The following TBC1D4 variants were observed in gnomAD, a reference collection of about 807,000 sequenced individuals.
TBC1D4 encodes the protein TBC (Tre-2, BUB2, CDC16) domain-containing protein.
Under a neutral mutation model 142.5 loss-of-function variants are expected in TBC1D4, and 121 were observed. The ratio of observed to expected loss-of-function variants is 0.85; its 90% CI spans 0.73 to 0.99. The LOEUF is 0.99. Ranked by LOEUF, TBC1D4 falls within the 50% of genes least tolerant of loss-of-function variation. The pLI is 0.00. For synonymous variants in TBC1D4, 630 were observed against 628.2 expected, an observed-to-expected ratio of 1.00 and a Z score of -0.04; for missense variants, 1,475 against 1,606.6, an observed-to-expected ratio of 0.92 and a Z score of 1.40.
intron 1 of TBC1D4, among the ~76,000 whole-genome samples, chr13:75,433,651 G>A (rs1886678153): frequency 6.6e-6 from 1 of 152,092 alleles, no homozygotes; most frequent in Non-Finnish European, 1.5e-5. Context: ...TTTACACCAT[G>A]TTATATTGAT....
chr13:75,301,733 T>G (rs1876579066), intron 16 of TBC1D4, among the ~76,000 whole-genome samples: 1 of 152,146 alleles, frequency 6.6e-6, no homozygotes, highest in Non-Finnish European at 1.5e-5. Flanking sequence ...TTAGTGCAAC[T>G]AATGTTTCAC....
chr13:75,427,028 G>A (rs1310834406), intron 1 of TBC1D4, among the ~76,000 whole-genome samples: 3 of 151,962 alleles, frequency 2.0e-5, no homozygotes, highest in African/African-American at 7.3e-5. Flanking sequence ...CAGCCTGGGC[G>A]ACAAGAGACT....
In TBC1D4 at chr13:75,319,456, T is replaced by C. The variant is rs1451516130; in HGVS notation, c.2222+558A>G. On this transcript the variant is annotated intron_variant, in intron 12 of 20. Transcript: ENST00000377636. ...TCAAGAGATGTCAACACAGATGTGG[T>C]CAAACTTCCATAATAAGGAACTAGG... Among the ~76,000 whole-genome samples the C allele has an allele frequency of 2.0e-5, 3 of 152,216 alleles. No individual in the cohort carries two copies. In the East Asian group the frequency reaches 5.8e-4, roughly 29 times the overall value.
Position 75,286,625 on chromosome 13 carries a change from T to C in TBC1D4, c.*167A>G, listed in dbSNP as rs1874695122. On this transcript the variant is annotated 3_prime_UTR_variant, in exon 21 of 21. Transcript: ENST00000377636. ...CTACATATGTCCAATGGCTTAGGAT[T>C]GGCATGCTCTGATGAGCACGAGGTC... is the stretch of plus-strand genomic sequence containing the variant. The C allele has an allele frequency of 1.5e-6, 1 of 666,050 alleles. No individual in the cohort carries two copies. Among genetic ancestry groups the C allele is most frequent in the Non-Finnish European group, 2.7e-6 (1 of 376,928 alleles). The allele number at this position is 666,050 out of a possible 1,614,324, so 41.3% of individuals were successfully genotyped here.
intron 14 of TBC1D4, 133 bp from the exon 15 acceptor site, chr13:75,306,604 T>A: frequency 9.6e-7 from 1 of 1,046,924 alleles, no homozygotes; most frequent in East Asian, 2.6e-5. Context: ...AAAAGAAAAT[T>A]TAAAACAAAT....
At chr13:75,341,026 T>C (rs1880646330) in intron 7 of TBC1D4, 99 bp downstream of exon 7, 16 of 1,008,724 alleles carry the variant, frequency 1.6e-5, no homozygotes, top group Admixed American at 5.3e-5. Flanking sequence ...GAAACTCTGA[T>C]AGGACTTTAG....
rs530398505 is a variant in TBC1D4, at chr13:75,332,636, C to T, written c.1731+4285G>A. Among the ~76,000 whole-genome samples, 299 of 152,148 alleles carry T rather than the reference C, an allele frequency of 2.0e-3. 1 individual carries two copies. Among genetic ancestry groups the T allele is most frequent in the African/African-American group, 6.7e-3 (280 of 41,500 alleles). On this transcript the variant is annotated intron_variant, in intron 8 of 20. Transcript: ENST00000377636. ...GATTAAGTAGGTCTGGGGTGAGGAC[C>T]AGGATTTTACTAATTTATAAATTTT... is the stretch of plus-strand genomic sequence containing the variant.
intron 17 of TBC1D4, among the ~76,000 whole-genome samples, chr13:75,298,929 A>C (rs1179487571): frequency 2.6e-5 from 4 of 152,232 alleles, no homozygotes; most frequent in African/African-American, 7.2e-5. Context: ...TCAAAAGTAA[A>C]GGGATAAAGA....
intron 1 of TBC1D4, among the ~76,000 whole-genome samples, chr13:75,373,632 C>A (rs1460632828): frequency 6.6e-6 from 1 of 152,166 alleles, no homozygotes; most frequent in East Asian, 1.9e-4. Context: ...CCAAACAATG[C>A]GGGTCCTCAT....
At chr13:75,410,853 G>A (rs890291168) in intron 1 of TBC1D4, among the ~76,000 whole-genome samples, 5 of 143,840 alleles carry the variant, frequency 3.5e-5, no homozygotes, top group African/African-American at 1.3e-4. Flanking sequence ...GGAGAATGGC[G>A]TGAACCCGGG....
chr13:75,291,136 T>TTCTC (rs1436977534), intron 19 of TBC1D4, among the ~76,000 whole-genome samples: 8 of 152,196 alleles, frequency 5.3e-5, no homozygotes, highest in Non-Finnish European at 2.9e-5. Flanking sequence ...CTCAGATCAA[T>TTCTC]TCTCTGCCCT....
intron 1 of TBC1D4, among the ~76,000 whole-genome samples, chr13:75,475,853 G>A (rs576337032): frequency 1.3e-5 from 2 of 152,218 alleles, no homozygotes; most frequent in Non-Finnish European, 1.5e-5. Flanking sequence ...GAACAGAAGT[G>A]TTTCAGATTT....
At chr13:75,414,136 GTGTCA>G (rs1259275990) in intron 1 of TBC1D4, among the ~76,000 whole-genome samples, 5 of 152,230 alleles carry the variant, frequency 3.3e-5, no homozygotes, top group African/African-American at 1.2e-4. Flanking sequence ...TTCATTCTCA[GTGTCA>G]TGTCATGTCA....
chr13:75,318,464 T>C (rs571270377), intron 12 of TBC1D4, among the ~76,000 whole-genome samples: 5 of 152,242 alleles, frequency 3.3e-5, no homozygotes, highest in African/African-American at 7.2e-5. Context: ...ATTAGTGTGA[T>C]AGCAACTATT....
chr13:75,465,402 A>G (rs1888126526), intron 1 of TBC1D4, among the ~76,000 whole-genome samples: 1 of 152,242 alleles, frequency 6.6e-6, no homozygotes, highest in African/African-American at 2.4e-5. Flanking sequence ...TGAGGGAATG[A>G]GCAAGTGAAT....
At chr13:75,445,776 G>A (rs534428317) in intron 1 of TBC1D4, among the ~76,000 whole-genome samples, 1 of 152,288 alleles carries the variant, frequency 6.6e-6, no homozygotes, top group African/African-American at 2.4e-5. Flanking sequence ...CTAAAAAAAT[G>A]TAAGCAAATC....
At chr13:75,370,192 G>A (rs185046852) in intron 1 of TBC1D4, among the ~76,000 whole-genome samples, 32 of 152,310 alleles carry the variant, frequency 2.1e-4, no homozygotes, top group Non-Finnish European at 4.1e-4. Context: ...TCAGGGAACT[G>A]TGAGGAACCA....
chr13:75,402,889 T>A (rs963914093), intron 1 of TBC1D4, among the ~76,000 whole-genome samples: 2 of 152,126 alleles, frequency 1.3e-5, no homozygotes, highest in Non-Finnish European at 2.9e-5. Context: ...ACAAGGAGAT[T>A]AAGTTACATA....
rs978925004 is a variant in TBC1D4 at position 75,333,732 on chromosome 13, A to G, written c.1731+3189T>C. Among the ~76,000 whole-genome samples, 9 of 152,226 alleles carry G rather than the reference A, an allele frequency of 5.9e-5. No individual in the cohort carries two copies. In the East Asian group the frequency reaches 1.2e-3, roughly 20 times the overall value. Reference sequence around the variant, plus strand: ...CACTCCAATTGCATTGGTTGTCCCAATAATGGCTTTTAGGGCAAAAGGATC... The same window carrying G: ...CACTCCAATTGCATTGGTTGTCCCAGTAATGGCTTTTAGGGCAAAAGGATC... On this transcript the variant is annotated intron_variant, in intron 8 of 20. Coordinates refer to ENST00000377636, the MANE Select transcript of TBC1D4 (RefSeq NM_014832.5).
Sources: allele counts gnomAD v4.1 joint callset (sites outside exome capture counted in the v4.1 genomes callset), GRCh38; gene constraint gnomAD v4.1.1; transcripts MANE v1.5; gene names NCBI Gene and HGNC (gene_info 2026-07-23, HGNC 2026-07-21).